The following DLGAP1 variants were observed in gnomAD, a reference collection of about 807,000 sequenced individuals.
The protein encoded by DLGAP1 is DLG associated protein 1, also known as disks large-associated protein 1.
DLGAP1 carries 11 observed loss-of-function variants against 90.8 expected under a neutral mutation model. That is an observed-to-expected ratio of 0.12 (90% CI 0.08 to 0.20). The LOEUF (loss-of-function observed/expected upper bound fraction) is 0.20, where lower values mean the gene tolerates loss of function less well. Among genes scored for constraint, DLGAP1 ranks in the 10% least tolerant of loss-of-function variants. The probability of loss-of-function intolerance (pLI) is 1.00; values close to 1 mark genes in which losing one functional copy is unlikely to be tolerated. For missense variants in DLGAP1, 1,050 were observed against 1,333.8 expected (o/e 0.79, Z 3.31); for synonymous variants, 558 against 540.7 (o/e 1.03, Z -0.44).
intron 5 of DLGAP1, among the ~76,000 whole-genome samples, chr18:3,793,824 G>C (rs940879891): frequency 6.6e-6 from 1 of 152,096 alleles, no homozygotes; most frequent in African/African-American, 2.4e-5. Context: ...TGTGAGTGTG[G>C]CCTTTCGTAA....
In DLGAP1 at chr18:3,863,941, C is replaced by T. The variant is rs114920221; in HGVS notation, c.957+15171G>A. ...TTCCATCTTTGGGCAACTTGGGTAC[C>T]TTAGAAAATAAAATCCTGTATTATC... On this transcript the variant is annotated intron_variant, in intron 4 of 12. Transcript: ENST00000315677. Among the ~76,000 whole-genome samples, 661 of 152,282 alleles carry T rather than the reference C, an allele frequency of 4.3e-3. 5 individuals carry two copies. The highest frequency in any genetic ancestry group is 0.013 in the African/African-American group (559 of 41,556).
intron 7 of DLGAP1, among the ~76,000 whole-genome samples, chr18:3,662,003 G>A (rs2059700538): frequency 6.6e-6 from 1 of 152,104 alleles, no homozygotes; most frequent in East Asian, 1.9e-4. Context: ...ATTATCACTT[G>A]TAGTAATGTG....
At chr18:3,984,213 A>G (rs2073796787) in intron 3 of DLGAP1, 1 of 152,138 alleles carries the variant, frequency 6.6e-6, no homozygotes, top group Admixed American at 6.5e-5. Flanking sequence ...CAGGACATCA[A>G]TTTCTGTTGT....
intron 1 of DLGAP1, among the ~76,000 whole-genome samples, chr18:4,351,247 G>C (rs1307044652): frequency 6.6e-6 from 1 of 152,184 alleles, no homozygotes; most frequent in East Asian, 1.9e-4. Context: ...CAGGCTTCTA[G>C]TGGTTGGCAA....
At chr18:3,837,849 C>CAAAAAAAAAAAAAAAA (rs5822770) in intron 4 of DLGAP1, among the ~76,000 whole-genome samples, 2 of 26,820 alleles carry the variant, frequency 7.5e-5, no homozygotes, top group Non-Finnish European at 1.3e-4. Context: ...GAGATTCTGT[C>CAAAAAAAAAAAAAAAA]AAAAAAAAAA....
chr18:3,597,209 C>T, intron 7 of DLGAP1: 1 of 518,130 alleles, frequency 1.9e-6, no homozygotes, highest in Non-Finnish European at 3.9e-6. Flanking sequence ...CTTTCTTTAC[C>T]TCCTAGTATC....
intron 10 of DLGAP1, among the ~76,000 whole-genome samples, chr18:3,533,955 G>A (rs551525291): frequency 6.0e-4 from 92 of 152,208 alleles, no homozygotes; most frequent in Admixed American, 1.6e-3. Flanking sequence ...GAAAAAGAAC[G>A]TCATGGGCCT....
chr18:3,704,678 C>G (rs767087543), intron 7 of DLGAP1, among the ~76,000 whole-genome samples: 2 of 151,750 alleles, frequency 1.3e-5, no homozygotes, highest in Non-Finnish European at 2.9e-5. Context: ...TCTTAAACAA[C>G]TCTGAATTAA....
intron 9 of DLGAP1, among the ~76,000 whole-genome samples, chr18:3,543,316 G>A (rs56234003): frequency 0.26 from 40,121 of 151,594 alleles, 5,685 homozygotes; most frequent in East Asian, 0.41. Context: ...GACTACAGGC[G>A]CCCACCACCA....
intron 4 of DLGAP1, among the ~76,000 whole-genome samples, chr18:3,832,547 T>C (rs934610732): frequency 6.6e-6 from 1 of 152,216 alleles, no homozygotes; most frequent in Non-Finnish European, 1.5e-5. Context: ...AAACATTGAA[T>C]TAAGCCTCAT....
intron 1 of DLGAP1, among the ~76,000 whole-genome samples, chr18:4,185,077 C>T (rs975869634): frequency 1.3e-5 from 2 of 152,062 alleles, no homozygotes; most frequent in Admixed American, 6.6e-5. Context: ...TTTTTATTCC[C>T]AGGGCCCTCG....
intron 2 of DLGAP1, among the ~76,000 whole-genome samples, chr18:4,135,215 G>A (rs944209428): frequency 6.6e-5 from 10 of 152,122 alleles, no homozygotes; most frequent in Non-Finnish European, 1.5e-4. Flanking sequence ...CCTAACTTAT[G>A]CAACTGGGTG....
Position 4,011,453 on chromosome 18 carries a change from G to A in DLGAP1, c.-158-6252C>T, listed in dbSNP as rs557608447. On this transcript the variant is annotated intron_variant, in intron 2 of 12. Coordinates refer to ENST00000315677, the MANE Select transcript of DLGAP1 (RefSeq NM_004746.4). The stretch of plus-strand genomic sequence containing the variant: ...CAGAGCAATAGTACCTACAGGGGCA[G>A]CAATAAATGAAATAACCAATAGTTT... Among the ~76,000 whole-genome samples, 14 of 152,194 alleles carry A rather than the reference G, an allele frequency of 9.2e-5. No individual in the cohort carries two copies. In the East Asian group the frequency reaches 2.1e-3, roughly 23 times the overall value.
intron 4 of DLGAP1, among the ~76,000 whole-genome samples, chr18:3,836,734 A>G (rs1341843215): frequency 6.6e-6 from 1 of 152,178 alleles, no homozygotes; most frequent in Non-Finnish European, 1.5e-5. Context: ...CTCCCCTCAG[A>G]ATCCACCTCT....
At chr18:3,533,540 C>A (rs1599097604) in intron 10 of DLGAP1, among the ~76,000 whole-genome samples, 1 of 151,968 alleles carries the variant, frequency 6.6e-6, no homozygotes, top group Non-Finnish European at 1.5e-5. Flanking sequence ...CCCCAATGTA[C>A]CTGTATCTAT....
intron 5 of DLGAP1, among the ~76,000 whole-genome samples, chr18:3,769,847 G>GT (rs762625022): frequency 9.3e-4 from 136 of 146,656 alleles, no homozygotes; most frequent in Non-Finnish European, 1.7e-3. Flanking sequence ...ACCACGGTGG[G>GT]TGGGGGGGGA....
chr18:4,001,593 A>C (rs1047798560), intron 3 of DLGAP1, among the ~76,000 whole-genome samples: 2 of 152,098 alleles, frequency 1.3e-5, no homozygotes, highest in African/African-American at 4.8e-5. Context: ...GGATGTGTTT[A>C]CAAGTATGTA....
intron 1 of DLGAP1, among the ~76,000 whole-genome samples, chr18:4,291,491 T>C (rs1036898236): frequency 1.3e-5 from 2 of 152,212 alleles, no homozygotes; most frequent in Non-Finnish European, 2.9e-5. Context: ...TGTTACCAGG[T>C]ATGTCATGTA....
intron 7 of DLGAP1, among the ~76,000 whole-genome samples, chr18:3,709,508 C>A (rs342478): frequency 0.34 from 51,817 of 152,018 alleles, 11,825 homozygotes; most frequent in African/African-American, 0.65. Context: ...TGCACATGTC[C>A]ACTGTATACA....
Sources: allele counts gnomAD v4.1 joint callset (sites outside exome capture counted in the v4.1 genomes callset), GRCh38; gene constraint gnomAD v4.1.1; transcripts MANE v1.5; gene names NCBI Gene and HGNC (gene_info 2026-07-23, HGNC 2026-07-21).